Variants in PRRC2C observed in about 807,000 individuals in gnomAD.
PRRC2C encodes protein PRRC2C.
In PRRC2C, 72 loss-of-function variants were observed where a neutral mutation model predicts 317.2. The ratio of observed to expected loss-of-function variants is 0.23; its 90% CI spans 0.19 to 0.28. The LOEUF (loss-of-function observed/expected upper bound fraction) is 0.28. Among genes scored for constraint, PRRC2C ranks in the 10% least tolerant of loss-of-function variants. PRRC2C has a pLI of 1.00. For missense variants in PRRC2C, 3,074 were observed against 3,459.7 expected, an observed-to-expected ratio of 0.89 and a Z score of 2.80; for synonymous variants, 1,296 against 1,205.9, an observed-to-expected ratio of 1.07 and a Z score of -1.55.
intron 2 of PRRC2C, chr1:171,512,423 CTG>C (rs777943465): frequency 8.0e-5 from 32 of 400,882 alleles, no homozygotes; most frequent in Non-Finnish European, 1.4e-4. Flanking sequence ...TTGTTTTTCT[CTG>C]TTGTCAGCAG....
In PRRC2C at chr1:171,522,242, TTTA is replaced by T. The variant is rs1447027184; in HGVS notation, c.818_820del (p.Leu273del). 6.3e-7 allele frequency: 1 copy of T among 1,583,998 alleles called. No individual in the cohort carries two copies. Among genetic ancestry groups the T allele is most frequent in the Admixed American group, 1.7e-5 (1 of 59,924 alleles). ...ATGGTCCCATGAGATTCCCACCTTC[TTTA>T]TCTGAAACAAACAAGTAAGGCTATT... On this transcript the variant is annotated inframe_deletion, in exon 7 of 35. Transcript: ENST00000647382.
At chr1:171,567,306 A>G (rs1683852447) in intron 22 of PRRC2C, among the ~76,000 whole-genome samples, 1 of 152,156 alleles carries the variant, frequency 6.6e-6, no homozygotes, top group African/African-American at 2.4e-5. Context: ...ACTCACATTT[A>G]GGGGCCACAT....
At position 171,545,542 on chromosome 1, in the gene PRRC2C, C is replaced by A; in HGVS notation, c.4827C>A (p.His1609Gln). Residue 1609 changes from histidine (H) to glutamine (Q), a missense_variant, in exon 17 of 35, where the codon CAC (histidine) becomes CAA (glutamine). By Grantham distance (24) the His-to-Gln change is conservative (BLOSUM62 0). Coordinates refer to ENST00000647382, the MANE Select transcript of PRRC2C (RefSeq NM_001387844.1). ...ACCTCATCAATGGCAGCTCTGCACA[C>A]CATCAGGAAGGAGTACCTAATGGTA... ...GVDLINGSSA[H>Q]HQEGVPNGTG... 5 of 1,597,820 alleles carry A rather than the reference C, an allele frequency of 3.1e-6. No homozygotes were observed. Among genetic ancestry groups the A allele is most frequent in the Non-Finnish European group, 4.3e-6 (5 of 1,172,026 alleles).
chr1:171,545,464 G>A lies in PRRC2C; in HGVS notation c.4764-15G>A, dbSNP rs200006747. The A allele has an allele frequency of 1.8e-3, 2,827 of 1,548,262 alleles. 16 individuals are homozygous for A. Among genetic ancestry groups the A allele is most frequent in the South Asian group, 1.8e-3 (147 of 83,002 alleles). On this transcript the variant is annotated splice_polypyrimidine_tract_variant and intron_variant, in intron 16 of 34. Transcript: ENST00000647382. ...GTAGGTGGAAATAGTAATATCTCAA[G>A]TTATTTTTTTGTAGGCCATTTGATG...
intron 30 of PRRC2C, 159 bp downstream of exon 30, chr1:171,584,685 GAAGGGGTTTCAGGCTC>G (rs1649447295): frequency 1.2e-6 from 1 of 833,682 alleles, no homozygotes; most frequent in East Asian, 3.0e-5. Context: ...GGTCCACGTA[GAAGGGGTTTCAGGCTC>G]ATGACACCCC....
In PRRC2C at chr1:171,566,348, C is replaced by T; in HGVS notation, c.6233C>T (p.Ser2078Phe). 1 of 1,599,526 alleles carries T rather than the reference C, an allele frequency of 6.3e-7. No homozygotes were observed. The highest frequency in any genetic ancestry group is 1.7e-5 in the Admixed American group (1 of 57,758). Reference protein sequence around the residue: ...NEVVPVLSEKSADKIPEPKEQ... With the variant: ...NEVVPVLSEKFADKIPEPKEQ... ...GTTGTTCCTGTGCTTTCGGAAAAAT[C>T]TGCTGACAAAATACCTGAACCTAAA... Residue 2078 changes from serine (S) to phenylalanine (F), a missense_variant, in exon 21 of 35, where the codon TCT becomes TTT. By Grantham distance (155) the Ser-to-Phe change is radical. This residue lies in a region of PRRC2C where 640 missense variants were observed against 676.1 expected (regional missense o/e 0.95). Transcript: ENST00000647382.
intron 6 of PRRC2C, among the ~76,000 whole-genome samples, chr1:171,519,405 A>T (rs1369350186): frequency 1.3e-5 from 2 of 152,120 alleles, no homozygotes; most frequent in Non-Finnish European, 2.9e-5. Flanking sequence ...ATTGGTTCAT[A>T]TTTCTTTTAA....
chr1:171,550,500 G>A lies in PRRC2C; in HGVS notation c.5127+260G>A, dbSNP rs61814674. On this transcript the variant is annotated intron_variant, in intron 18 of 34. Coordinates refer to ENST00000647382, the MANE Select transcript of PRRC2C (RefSeq NM_001387844.1). Reference sequence around the variant, plus strand: ...TTTTTTTAAATACTGTAAGTTCTAGGGTACATGTGCACAACATGCAGGTTT... The same window carrying A: ...TTTTTTTAAATACTGTAAGTTCTAGAGTACATGTGCACAACATGCAGGTTT... Among the ~76,000 whole-genome samples, 479 of 150,620 alleles carry A rather than the reference G, an allele frequency of 3.2e-3. 3 individuals carry two copies. The highest frequency in any genetic ancestry group is 0.02 in the South Asian group (96 of 4,738).
At chr1:171,577,706 T>C (rs955688086) in intron 26 of PRRC2C, 69 bp downstream of exon 26, 95 of 1,389,880 alleles carry the variant, frequency 6.8e-5, no homozygotes, top group Non-Finnish European at 8.8e-5. Flanking sequence ...TATTTTTGTC[T>C]CTTCTTACCC....
rs115517895 is a variant in PRRC2C, at chr1:171,569,829, C to T, written c.6651+1490C>T. ...TTTTTAAAGTATATGATGCTTTTTG[C>T]GAAACTACCCTCTGAAAATATGATT... On this transcript the variant is annotated intron_variant, in intron 23 of 34. Transcript: ENST00000647382. Among the ~76,000 whole-genome samples the T allele has an allele frequency of 4.6e-3, 687 of 150,406 alleles. 5 individuals carry two copies. The highest frequency in any genetic ancestry group is 0.016 in the African/African-American group (664 of 41,030).
intron 6 of PRRC2C, among the ~76,000 whole-genome samples, chr1:171,520,307 C>T (rs369511932): frequency 6.6e-6 from 1 of 152,062 alleles, no homozygotes; most frequent in Non-Finnish European, 1.5e-5. Flanking sequence ...GCTGACCTGG[C>T]CTTGAAAAAT....
At chr1:171,588,714 G>A (rs184464750) in intron 33 of PRRC2C, among the ~76,000 whole-genome samples, 1 of 152,138 alleles carries the variant, frequency 6.6e-6, no homozygotes, top group Admixed American at 6.6e-5. Context: ...GCAGACAAGA[G>A]AAATAGTTAA....
intron 27 of PRRC2C, 76 bp from the exon 28 acceptor site, chr1:171,579,752 T>C: frequency 3.5e-6 from 5 of 1,439,234 alleles, no homozygotes; most frequent in Non-Finnish European, 4.6e-6. Context: ...TGTCTCAAAT[T>C]TTTATATTCC....
rs1651538738 is a variant in PRRC2C at position 171,591,963 on chromosome 1, C to T, written c.*116C>T. ...GCCTGTGACATTATCCTGTTCAGAGCTTGGAGATGTACAAGGGACATAGGA... is the reference window on the plus strand; with the variant it reads ...GCCTGTGACATTATCCTGTTCAGAGTTTGGAGATGTACAAGGGACATAGGA... On this transcript the variant is annotated 3_prime_UTR_variant, in exon 35 of 35. Transcript: ENST00000647382. 3 of 1,357,672 alleles carry T rather than the reference C, an allele frequency of 2.2e-6. No individual in the cohort carries two copies. The highest frequency in any genetic ancestry group is 2.2e-5 in the Admixed American group (1 of 44,690). The allele number at this position is 1,357,672 out of a possible 1,614,324, so 84.1% of individuals were successfully genotyped here.
rs766587111 is a variant in PRRC2C, at chr1:171,575,085, C to T, written c.6912C>T (p.Pro2304=). ...NYNSFSSASM[P]QIPVASVTPT... ...ATTCGTTCTCAAGTGCATCCATGCC[C>T]CAGATTCCTGTTGCTTCAGTCACTC... The change falls in exon 25 of 35, where the codon CCC becomes CCT. Residue 2304 remains proline, a synonymous_variant. Transcript: ENST00000647382. 2.1e-5 allele frequency: 34 copies of T among 1,613,728 alleles called. No homozygotes were observed. In the Middle Eastern group the frequency reaches 6.6e-4, roughly 31 times the overall value.
Position 171,577,608 on chromosome 1 carries a change from C to T in PRRC2C, c.7130C>T (p.Pro2377Leu), listed in dbSNP as rs1201744781. ...PSLIAQQQQN[P>L]QVYVSQSAAA... ...CTTATTGCCCAGCAGCAACAGAATC[C>T]GCAAGTTTATGTGTCTCAGTCTGCA... Residue 2377 changes from proline (P) to leucine (L), a missense_variant, in exon 26 of 35, where the codon CCG (proline) becomes CTG (leucine). This residue lies in a region of PRRC2C where 490 missense variants were observed against 663.1 expected (regional missense o/e 0.74). Coordinates refer to ENST00000647382, the MANE Select transcript of PRRC2C (RefSeq NM_001387844.1). 5.6e-6 allele frequency: 9 copies of T among 1,613,464 alleles called. No homozygotes were observed. The highest frequency in any genetic ancestry group is 1.7e-5 in the Admixed American group (1 of 59,976).
chr1:171,587,888 C>T, intron 32 of PRRC2C, 137 bp downstream of exon 32: 1 of 596,426 alleles, frequency 1.7e-6, no homozygotes, highest in South Asian at 2.5e-5. Context: ...ATAGTTTTGT[C>T]TAAAATGTTA....
intron 18 of PRRC2C, among the ~76,000 whole-genome samples, chr1:171,553,980 G>C (rs1469740513): frequency 1.3e-5 from 2 of 152,110 alleles, no homozygotes; most frequent in Admixed American, 6.5e-5. Context: ...ATGTCTATTA[G>C]GTCTGCTTGT....
chr1:171,514,687 T>C, intron 4 of PRRC2C, 42 bp downstream of exon 4: 1 of 1,484,864 alleles, frequency 6.7e-7, no homozygotes, highest in Non-Finnish European at 9.2e-7. Flanking sequence ...GGCTTGATAG[T>C]TACTGAACAG....
Sources: gnomAD v4.1 joint callset for allele counts (sites outside exome capture counted in the v4.1 genomes callset) on GRCh38, gnomAD v4.1.1 for gene constraint, gnomAD v4.1.1 regional missense constraint, MANE v1.5 for transcripts, NCBI Gene and HGNC (gene_info 2026-07-23, HGNC 2026-07-21) for gene names.